DNAAF9: variants seen among roughly 807,000 people sequenced by gnomAD.
DNAAF9 encodes the protein shulin.
A neutral mutation model predicts 167.0 loss-of-function variants in DNAAF9; 90 were observed. The ratio of observed to expected loss-of-function variants is 0.54; its 90% confidence interval spans 0.45 to 0.64. The LOEUF (loss-of-function observed/expected upper bound fraction) is 0.64. Ranked by LOEUF, DNAAF9 falls within the 30% of genes least tolerant of loss-of-function variation. The pLI is 0.00. For missense variants in DNAAF9, 1,315 were observed against 1,442.2 expected, an observed-to-expected ratio of 0.91 and a Z score of 1.43; for synonymous variants, 491 against 508.8, an observed-to-expected ratio of 0.96 and a Z score of 0.47.
Position 3,298,032 on chromosome 20 carries a change from T to C in DNAAF9, c.1926A>G (p.Ser642=). 6.2e-7 allele frequency: 1 copy of C among 1,612,062 alleles called. No homozygotes were observed. Among genetic ancestry groups the C allele is most frequent in the Non-Finnish European group, 8.5e-7 (1 of 1,178,180 alleles). ...PKSKIYQAFY[S]EVFSLWKQQD... is the part of the protein sequence containing the mutation. ...GCTGAATAATGACTGATATTACCTC[T>C]GAGTAAAATGCTTGGTATATCTTCG... The change falls in exon 22 of 37, where the codon TCA becomes TCG. Residue 642 remains serine, a synonymous_variant. Coordinates refer to ENST00000252032, the MANE Select transcript of DNAAF9 (RefSeq NM_001009984.3).
chr20:3,405,249 T>C (rs2084039945), intron 1 of DNAAF9, among the ~76,000 whole-genome samples: 1 of 152,158 alleles, frequency 6.6e-6, no homozygotes, highest in African/African-American at 2.4e-5. Flanking sequence ...TAATTCTTGA[T>C]CTCCATTCTC....
intron 1 of DNAAF9, among the ~76,000 whole-genome samples, chr20:3,391,886 T>C (rs904297431): frequency 6.6e-6 from 1 of 152,164 alleles, no homozygotes; most frequent in Non-Finnish European, 1.5e-5. Flanking sequence ...GCTGTCTTTT[T>C]TCCTTTTAAT....
At chr20:3,380,713 G>C (rs1246682153) in intron 3 of DNAAF9, among the ~76,000 whole-genome samples, 1 of 152,132 alleles carries the variant, frequency 6.6e-6, no homozygotes, top group African/African-American at 2.4e-5. Context: ...TCTGTCTCTT[G>C]TCCACTTTTA....
intron 1 of DNAAF9, among the ~76,000 whole-genome samples, chr20:3,399,861 G>A (rs1357620076): frequency 1.3e-5 from 2 of 152,188 alleles, no homozygotes; most frequent in Non-Finnish European, 2.9e-5. Context: ...TTCAAGTTAA[G>A]TCATTACTGT....
At position 3,315,929 on chromosome 20, in the gene DNAAF9, C is replaced by G; in HGVS notation, c.1540-144G>C. ...CATGTCCAGTGCTCTCAGGCCCTGA[C>G]ACACCTGAGATGTCTGCTGGTCACC... On this transcript the variant is annotated intron_variant, in intron 18 of 36. Coordinates refer to ENST00000252032, the MANE Select transcript of DNAAF9 (RefSeq NM_001009984.3). The surrounding 1 kb of genome is among the most constrained non-coding windows in gnomAD (Gnocchi z 4.1). 1.4e-6 allele frequency: 1 copy of G among 713,744 alleles called. No individual in the cohort carries two copies. Among genetic ancestry groups the G allele is most frequent in the Non-Finnish European group, 2.5e-6 (1 of 394,726 alleles). The allele number at this position is 713,744 out of a possible 1,614,324, so 44.2% of individuals were successfully genotyped here. A position where few individuals can be genotyped will look rare whatever the true frequency, so the allele number is the denominator to read the frequency against.
chr20:3,297,293 T>C (rs2122952703), intron 22 of DNAAF9, among the ~76,000 whole-genome samples: 1 of 152,214 alleles, frequency 6.6e-6, no homozygotes, highest in African/African-American at 2.4e-5. Flanking sequence ...AGCAGAGGGA[T>C]GGCTGAAGAG....
chr20:3,339,718 A>G (rs2070040072), intron 10 of DNAAF9, among the ~76,000 whole-genome samples: 2 of 152,118 alleles, frequency 1.3e-5, no homozygotes, highest in African/African-American at 4.8e-5. Context: ...TTTCTTAGCT[A>G]TTTCCCCCTC....
At chr20:3,384,220 A>G (rs951396231) in intron 1 of DNAAF9, 2 of 152,204 alleles carry the variant, frequency 1.3e-5, no homozygotes, top group Non-Finnish European at 2.9e-5. Flanking sequence ...CTAGACAAAG[A>G]TAGTACCAAA....
intron 31 of DNAAF9, among the ~76,000 whole-genome samples, chr20:3,262,965 C>CTTTTTTT (rs796491974): frequency 1.2e-5 from 1 of 81,284 alleles, no homozygotes; most frequent in Non-Finnish European, 2.4e-5. Context: ...CATAGCAGAT[C>CTTTTTTT]TTTTTTTTTT....
At chr20:3,357,471 C>CA (rs2083302398) in intron 7 of DNAAF9, among the ~76,000 whole-genome samples, 1 of 151,396 alleles carries the variant, frequency 6.6e-6, no homozygotes, top group African/African-American at 2.4e-5. Flanking sequence ...GACTCTGTCT[C>CA]AAAAAAATAA....
chr20:3,330,764 A>C, intron 11 of DNAAF9, 82 bp from the exon 12 acceptor site: 1 of 770,370 alleles, frequency 1.3e-6, no homozygotes, highest in Non-Finnish European at 2.2e-6. Context: ...TGCTTAATTT[A>C]CCTGGAAGGC....
intron 26 of DNAAF9, among the ~76,000 whole-genome samples, chr20:3,288,397 C>A (rs2068890090): frequency 6.6e-6 from 1 of 152,202 alleles, no homozygotes; most frequent in African/African-American, 2.4e-5. Flanking sequence ...TTGCAGTGAG[C>A]TGAGATCGCA....
chr20:3,278,140 T>C (rs1220164043), intron 29 of DNAAF9, among the ~76,000 whole-genome samples: 1 of 152,120 alleles, frequency 6.6e-6, no homozygotes, highest in Non-Finnish European at 1.5e-5. Flanking sequence ...TCCAGGGTTG[T>C]CAGGTAGTAG....
chr20:3,338,553 T>C (rs940201014), intron 10 of DNAAF9, among the ~76,000 whole-genome samples: 1 of 152,202 alleles, frequency 6.6e-6, no homozygotes, highest in African/African-American at 2.4e-5. Flanking sequence ...CCATGACTAC[T>C]TCAAGTACTT....
chr20:3,316,024 C>A, intron 18 of DNAAF9: 1 of 563,918 alleles, frequency 1.8e-6, no homozygotes, highest in South Asian at 2.3e-5. Flanking sequence ...GAGCTTATGA[C>A]AAGCAGAGGG....
intron 20 of DNAAF9, 62 bp downstream of exon 20, chr20:3,314,971 G>A: frequency 1.2e-6 from 1 of 848,196 alleles, no homozygotes; most frequent in Admixed American, 1.8e-5. Flanking sequence ...CAACACCCAT[G>A]CTGACATCTG....
intron 1 of DNAAF9, among the ~76,000 whole-genome samples, chr20:3,384,599 C>A (rs1417342028): frequency 2.7e-5 from 4 of 150,884 alleles, no homozygotes; most frequent in Admixed American, 2.6e-4. Flanking sequence ...ACTCGAACTC[C>A]TGGGCTCAAG....
At chr20:3,383,511 G>A (rs866576846) in intron 1 of DNAAF9, among the ~76,000 whole-genome samples, 1 of 151,422 alleles carries the variant, frequency 6.6e-6, no homozygotes, top group African/African-American at 2.4e-5. Flanking sequence ...CAGGTGATCC[G>A]TCCGCCTCAT....
intron 32 of DNAAF9, 29 bp downstream of exon 32, chr20:3,259,893 G>A (rs1468019667): frequency 7.8e-7 from 1 of 1,287,468 alleles, no homozygotes; most frequent in East Asian, 2.3e-5. Context: ...CCTTTTTCCA[G>A]TGTCTAGGAC....
Sources: gnomAD v4.1 joint callset for allele counts (sites outside exome capture counted in the v4.1 genomes callset) on GRCh38, gnomAD v4.1.1 for gene constraint, Gnocchi (gnomAD v3.1) non-coding constraint, MANE v1.5 for transcripts, NCBI Gene and HGNC (gene_info 2026-07-23, HGNC 2026-07-21) for gene names.